Variants in TRIM44 observed in about 807,000 individuals in gnomAD.
TRIM44 encodes tripartite motif containing 44.
Under a neutral mutation model 37.4 loss-of-function variants are expected in TRIM44, and 13 were observed. The observed-to-expected ratio is 0.35, with a 90% CI of 0.23 to 0.55. The LOEUF (loss-of-function observed/expected upper bound fraction) is 0.55. Ranked by LOEUF, TRIM44 falls within the 20% of genes least tolerant of loss-of-function variation. The pLI, the probability that TRIM44 is intolerant of heterozygous loss-of-function variation, is 0.89. For synonymous variants in TRIM44, 175 were observed against 157.2 expected (o/e 1.11, Z -0.85); for missense variants, 426 against 437.2 (o/e 0.97, Z 0.23).
chr11:35,704,266 G>C (rs1434301177), intron 2 of TRIM44, among the ~76,000 whole-genome samples: 1 of 152,202 alleles, frequency 6.6e-6, no homozygotes, highest in Non-Finnish European at 1.5e-5. Context: ...TATGTGAAAA[G>C]ACCAAATCTA....
chr11:35,687,557 A>C (rs1851596348), intron 2 of TRIM44, among the ~76,000 whole-genome samples: 2 of 152,216 alleles, frequency 1.3e-5, no homozygotes, highest in South Asian at 4.1e-4. Context: ...TGATTCCGCC[A>C]AACTTATAAT....
At chr11:35,775,624 A>T (rs1359273241) in intron 4 of TRIM44, among the ~76,000 whole-genome samples, 4 of 152,148 alleles carry the variant, frequency 2.6e-5, no homozygotes, top group Non-Finnish European at 4.4e-5. Context: ...AATAGCTCTT[A>T]CCATTTTGAG....
chr11:35,722,357 GGT>G (rs1852120243), intron 2 of TRIM44, among the ~76,000 whole-genome samples: 1 of 152,158 alleles, frequency 6.6e-6, no homozygotes, highest in Non-Finnish European at 1.5e-5. Context: ...CCCCAGAGAG[GGT>G]TCTTGGATCT....
At chr11:35,706,117 G>A (rs977128207) in intron 2 of TRIM44, among the ~76,000 whole-genome samples, 7 of 149,012 alleles carry the variant, frequency 4.7e-5, no homozygotes, top group African/African-American at 1.5e-4. Context: ...ACTATCATCA[G>A]AGAATACTAC....
intron 2 of TRIM44, among the ~76,000 whole-genome samples, chr11:35,708,272 G>A (rs1163598524): frequency 1.3e-5 from 2 of 152,262 alleles, no homozygotes; most frequent in African/African-American, 4.8e-5. Flanking sequence ...GTGCTGGAGA[G>A]GATGTGGAGA....
At chr11:35,670,207 C>T (rs1400651012) in intron 1 of TRIM44, among the ~76,000 whole-genome samples, 1 of 152,212 alleles carries the variant, frequency 6.6e-6, no homozygotes, top group African/African-American at 2.4e-5. Flanking sequence ...TTTCTACTAA[C>T]CAAATGCACA....
rs1853548753 is a variant in TRIM44, at chr11:35,813,452, GA to G, written c.*7069del. On this transcript the variant is annotated 3_prime_UTR_variant, in exon 5 of 5. Coordinates refer to ENST00000299413, the MANE Select transcript of TRIM44 (RefSeq NM_017583.6). ...CATCTAGTCATCAGGCACCTCCTCAGAACCTATTTGCTCTTCCTTCACACAT... is the reference window on the plus strand; with the variant it reads ...CATCTAGTCATCAGGCACCTCCTCAGACCTATTTGCTCTTCCTTCACACAT... The G allele has an allele frequency of 6.6e-6, 1 of 152,142 alleles. No individual in the cohort carries two copies. Among genetic ancestry groups the G allele is most frequent in the South Asian group, 2.1e-4 (1 of 4,830 alleles). 9.4% of individuals were successfully genotyped at this position (152,142 alleles called of 1,614,324 possible).
chr11:35,746,565 TTTTG>T (rs1381765445), intron 4 of TRIM44, among the ~76,000 whole-genome samples: 3 of 150,204 alleles, frequency 2.0e-5, no homozygotes, highest in Admixed American at 6.7e-5. Flanking sequence ...TGGTGGAGTT[TTTTG>T]TTTGTTTGTT....
chr11:35,772,841 A>T (rs1402710590), intron 4 of TRIM44, among the ~76,000 whole-genome samples: 1 of 152,174 alleles, frequency 6.6e-6, no homozygotes, highest in Non-Finnish European at 1.5e-5. Context: ...AAATAAGTTA[A>T]GACTTTGGGG....
intron 1 of TRIM44, among the ~76,000 whole-genome samples, chr11:35,664,196 C>G (rs764278074): frequency 1.3e-5 from 2 of 152,130 alleles, no homozygotes; most frequent in Non-Finnish European, 2.9e-5. Context: ...CCACATGAAT[C>G]CAAGCAAGTG....
intron 4 of TRIM44, among the ~76,000 whole-genome samples, chr11:35,736,962 A>G (rs1852334738): frequency 6.6e-6 from 1 of 152,022 alleles, no homozygotes; most frequent in Admixed American, 6.6e-5. Flanking sequence ...CATAGTTCCT[A>G]CTCTTGTAGA....
intron 4 of TRIM44, among the ~76,000 whole-genome samples, chr11:35,770,356 G>A (rs887404696): frequency 1.3e-5 from 2 of 152,186 alleles, no homozygotes; most frequent in Non-Finnish European, 2.9e-5. Context: ...GAATAGTGCT[G>A]TGATGAACTA....
intron 4 of TRIM44, among the ~76,000 whole-genome samples, chr11:35,757,759 C>A (rs1397328190): frequency 1.3e-5 from 2 of 152,120 alleles, no homozygotes; most frequent in African/African-American, 4.8e-5. Flanking sequence ...GTTATGTACC[C>A]AGTAGTCATT....
intron 4 of TRIM44, among the ~76,000 whole-genome samples, chr11:35,744,500 T>A (rs1852460364): frequency 6.6e-6 from 1 of 152,152 alleles, no homozygotes; most frequent in Non-Finnish European, 1.5e-5. Flanking sequence ...TAAGAAATAT[T>A]TAAAAACATT....
chr11:35,672,516 T>C (rs1851407098), intron 1 of TRIM44, among the ~76,000 whole-genome samples: 1 of 152,216 alleles, frequency 6.6e-6, no homozygotes, highest in South Asian at 2.1e-4. Flanking sequence ...ACATGGCTTT[T>C]CTAAAGACAG....
At chr11:35,753,726 T>C (rs966862921) in intron 4 of TRIM44, among the ~76,000 whole-genome samples, 1 of 151,982 alleles carries the variant, frequency 6.6e-6, no homozygotes, top group Non-Finnish European at 1.5e-5. Context: ...GTTGCCAAAT[T>C]GATTTTTTTT....
At chr11:35,715,229 C>A (rs1852024170) in intron 2 of TRIM44, among the ~76,000 whole-genome samples, 1 of 152,166 alleles carries the variant, frequency 6.6e-6, no homozygotes, top group African/African-American at 2.4e-5. Context: ...GGCGATGCCA[C>A]AGTCATAGTG....
chr11:35,761,044 T>G (rs1192227879), intron 4 of TRIM44, among the ~76,000 whole-genome samples: 2 of 152,224 alleles, frequency 1.3e-5, no homozygotes, highest in Admixed American at 6.5e-5. Flanking sequence ...GGTTGTACAC[T>G]ATTTGTCTTT....
At chr11:35,701,933 C>T (rs1396919496) in intron 2 of TRIM44, among the ~76,000 whole-genome samples, 2 of 152,170 alleles carry the variant, frequency 1.3e-5, no homozygotes, top group Non-Finnish European at 2.9e-5. Context: ...TTCCTTTTCC[C>T]AGAGAGGCCC....
Sources: allele counts gnomAD v4.1 joint callset (sites outside exome capture counted in the v4.1 genomes callset), GRCh38; gene constraint gnomAD v4.1.1; transcripts MANE v1.5; gene names NCBI Gene and HGNC (gene_info 2026-07-23, HGNC 2026-07-21).